ABI1: variants seen among roughly 807,000 people sequenced by gnomAD.
ABI1 encodes the protein abl interactor 1, also known as Abelson interactor 1.
A neutral mutation model predicts 54.6 loss-of-function variants in ABI1; 14 were observed. The ratio of observed to expected loss-of-function variants is 0.26; its 90% CI spans 0.17 to 0.40. The LOEUF is 0.40. ABI1 is among the 10% of genes least tolerant of loss of function. The pLI, the probability that ABI1 is intolerant of heterozygous loss-of-function variation, is 1.00. For synonymous variants in ABI1, 194 were observed against 209.3 expected, an observed-to-expected ratio of 0.93 and a Z score of 0.63; for missense variants, 443 against 598.3, an observed-to-expected ratio of 0.74 and a Z score of 2.71.
Position 26,764,542 on chromosome 10 carries a change from C to T in ABI1, c.820+676G>A, listed in dbSNP as rs1020457711. On this transcript the variant is annotated intron_variant, in intron 7 of 10. Transcript: ENST00000376140. ...GACACTGATTCTCCAGCTGGAGTAT[C>T]GTACAATACTGGTTTGCTCTTGAAA... 3.3e-5 allele frequency among the ~76,000 whole-genome samples: 5 copies of T among 152,114 alleles called. No individual in the cohort carries two copies. In the East Asian group the frequency reaches 5.8e-4, roughly 18 times the overall value.
At chr10:26,817,878 G>A (rs11015309) in intron 2 of ABI1, among the ~76,000 whole-genome samples, 9,384 of 151,982 alleles carry the variant, frequency 0.062, 432 homozygotes, top group East Asian at 0.19. Flanking sequence ...ATTCCTGGCC[G>A]GGCACGGTGG....
chr10:26,778,855 G>C (rs915017036), intron 2 of ABI1, among the ~76,000 whole-genome samples: 1 of 152,170 alleles, frequency 6.6e-6, no homozygotes, highest in African/African-American at 2.4e-5. Context: ...CATTATAAAA[G>C]ATGTGGTCCC....
chr10:26,807,564 G>C (rs2046955541), intron 2 of ABI1, among the ~76,000 whole-genome samples: 1 of 152,162 alleles, frequency 6.6e-6, no homozygotes, highest in Non-Finnish European at 1.5e-5. Context: ...TGAAATCTTT[G>C]TTCAGTTCTT....
chr10:26,848,705 T>A (rs111853004), intron 1 of ABI1, among the ~76,000 whole-genome samples: 6,073 of 147,892 alleles, frequency 0.041, 164 homozygotes, highest in Non-Finnish European at 0.06. Flanking sequence ...GCCTCCCAGG[T>A]TCCAGTGATT....
chr10:26,842,018 A>C (rs2049554573), intron 1 of ABI1, among the ~76,000 whole-genome samples: 2 of 152,136 alleles, frequency 1.3e-5, no homozygotes, highest in South Asian at 4.1e-4. Flanking sequence ...ACTATTTTCC[A>C]TCATGGCTGT....
intron 10 of ABI1, 125 bp from the exon 11 acceptor site, chr10:26,748,870 T>C: frequency 1.3e-6 from 1 of 741,478 alleles, no homozygotes; most frequent in Non-Finnish European, 2.1e-6. Context: ...TCTTAATTTT[T>C]GTATCTATCA....
intron 2 of ABI1, among the ~76,000 whole-genome samples, chr10:26,786,255 C>G (rs912717811): frequency 4.0e-5 from 6 of 151,624 alleles, no homozygotes; most frequent in Non-Finnish European, 2.9e-5. Context: ...GCTCTGTCGC[C>G]TAGGCTGGAG....
intron 1 of ABI1, among the ~76,000 whole-genome samples, chr10:26,856,748 G>A (rs541410111): frequency 9.2e-5 from 14 of 152,300 alleles, no homozygotes; most frequent in Admixed American, 9.2e-4. Flanking sequence ...AAGTTAAGCT[G>A]TATGAAGACT....
intron 1 of ABI1, among the ~76,000 whole-genome samples, chr10:26,837,805 G>C (rs1420341511): frequency 6.7e-6 from 1 of 148,912 alleles, no homozygotes; most frequent in African/African-American, 2.5e-5. Flanking sequence ...AGTAGAGACA[G>C]GGTTTCCTCA....
At chr10:26,790,514 G>GTTTTCTTTTAAGTTCCTTAAGTTTCTTTT (rs1373788311) in intron 2 of ABI1, 1 of 151,652 alleles carries the variant, frequency 6.6e-6, no homozygotes, top group Non-Finnish European at 1.5e-5. Flanking sequence ...GTTCCTTATA[G>GTTTTCTTTTAAGTTCCTTAAGTTTCTTTT]AAGCTGGATA....
intron 7 of ABI1, among the ~76,000 whole-genome samples, chr10:26,762,966 C>A (rs1281701586): frequency 6.6e-6 from 1 of 152,198 alleles, no homozygotes; most frequent in Non-Finnish European, 1.5e-5. Context: ...CTCACCAACA[C>A]TGGTACTAGC....
intron 1 of ABI1, among the ~76,000 whole-genome samples, chr10:26,852,316 C>T (rs2050459474): frequency 6.6e-6 from 1 of 151,996 alleles, no homozygotes; most frequent in Non-Finnish European, 1.5e-5. Flanking sequence ...CCTGTCTCTA[C>T]TAAAAATACA....
intron 7 of ABI1, among the ~76,000 whole-genome samples, chr10:26,761,990 A>G (rs1354692681): frequency 6.6e-6 from 1 of 151,864 alleles, no homozygotes; most frequent in Non-Finnish European, 1.5e-5. Flanking sequence ...TTCATCATTG[A>G]TCAGTATTTC....
chr10:26,788,329 G>A (rs953261450), intron 2 of ABI1, among the ~76,000 whole-genome samples: 3 of 152,004 alleles, frequency 2.0e-5, no homozygotes, highest in African/African-American at 4.8e-5. Flanking sequence ...ATGTGAAAAC[G>A]GACTAACACA....
At chr10:26,759,032 T>C (rs757990723) in intron 8 of ABI1, 30 bp downstream of exon 8, 1 of 1,597,500 alleles carries the variant, frequency 6.3e-7, no homozygotes, top group Non-Finnish European at 8.5e-7. Flanking sequence ...AGCTCCACTG[T>C]TGCTGTATGC....
intron 1 of ABI1, among the ~76,000 whole-genome samples, chr10:26,834,840 T>C (rs10829080): frequency 0.26 from 39,690 of 151,176 alleles, 5,952 homozygotes; most frequent in South Asian, 0.44. Context: ...CAGTAGCTCA[T>C]GCCTGTAATC....
rs903223042 is a variant in ABI1, at chr10:26,751,847, CAG to C, written c.1085-66_1085-65del. The C allele has an allele frequency of 4.9e-6, 7 of 1,422,626 alleles. No homozygotes were observed. In the African/African-American group the frequency reaches 1.0e-4, roughly 21 times the overall value. The allele number at this position is 1,422,626 out of a possible 1,614,324, so 88.1% of individuals were successfully genotyped here. A position where few individuals can be genotyped will look rare whatever the true frequency, so the allele number is the denominator to read the frequency against. On this transcript the variant is annotated intron_variant, in intron 9 of 10. Transcript: ENST00000376140. Reference sequence around the variant, plus strand: ...GTCTAGATGGAAACTTATAAGTTAACAGAATTTAAGAAAGCTCTAACTTAAGT... The same window carrying C: ...GTCTAGATGGAAACTTATAAGTTAACAATTTAAGAAAGCTCTAACTTAAGT...
At chr10:26,768,595 T>C (rs113296675) in intron 6 of ABI1, among the ~76,000 whole-genome samples, 1 of 151,802 alleles carries the variant, frequency 6.6e-6, no homozygotes, top group Non-Finnish European at 1.5e-5. Context: ...ATAGAGTCTG[T>C]ACCTCTATCA....
intron 1 of ABI1, among the ~76,000 whole-genome samples, chr10:26,833,984 T>C (rs756369843): frequency 2.0e-5 from 3 of 152,170 alleles, no homozygotes; most frequent in South Asian, 2.1e-4. Flanking sequence ...AATCCAGCAC[T>C]TTGGAAGGCC....
Sources: gnomAD v4.1 joint callset for allele counts (sites outside exome capture counted in the v4.1 genomes callset) on GRCh38, gnomAD v4.1.1 for gene constraint, MANE v1.5 for transcripts, NCBI Gene and HGNC (gene_info 2026-07-23, HGNC 2026-07-21) for gene names.